Variants in NAV3 observed in about 807,000 individuals in gnomAD.
The protein encoded by NAV3 is neuron navigator 3.
In NAV3, 87 loss-of-function variants were observed where a neutral mutation model predicts 244.7. The ratio of observed to expected loss-of-function variants is 0.36; its 90% confidence interval spans 0.30 to 0.42. The LOEUF (loss-of-function observed/expected upper bound fraction) is 0.42. Ranked by LOEUF, NAV3 falls within the 20% of genes least tolerant of loss-of-function variation. NAV3 has a pLI of 1.00. For synonymous variants in NAV3, 1,126 were observed against 1,042.2 expected (o/e 1.08, Z -1.55); for missense variants, 2,663 against 2,893.3 (o/e 0.92, Z 1.83).
chr12:78,155,776 T>G (rs936963834), intron 22 of NAV3, among the ~76,000 whole-genome samples: 9 of 152,156 alleles, frequency 5.9e-5, no homozygotes, highest in African/African-American at 2.2e-4. Flanking sequence ...GTTGGCTGCA[T>G]GACTGTCTTC....
At chr12:78,175,006 G>A (rs1277153130) in intron 24 of NAV3, among the ~76,000 whole-genome samples, 1 of 151,864 alleles carries the variant, frequency 6.6e-6, no homozygotes, top group Non-Finnish European at 1.5e-5. Flanking sequence ...CTTGATCCAG[G>A]TATTCAGTAG....
At chr12:77,747,425 A>G (rs995993759) in intron 2 of NAV3, among the ~76,000 whole-genome samples, 3 of 152,162 alleles carry the variant, frequency 2.0e-5, no homozygotes, top group African/African-American at 7.2e-5. Context: ...ACACTTTTAC[A>G]CTGTTGGTGG....
chr12:78,143,494 A>G (rs1324844334), intron 20 of NAV3: 1 of 342,938 alleles, frequency 2.9e-6, no homozygotes, highest in Non-Finnish European at 5.7e-6. Context: ...AGCCCGGTGT[A>G]GTGGCATACG....
chr12:77,939,125 T>C (rs1889619543), intron 1 of NAV3, among the ~76,000 whole-genome samples: 1 of 152,192 alleles, frequency 6.6e-6, no homozygotes, highest in Non-Finnish European at 1.5e-5. Flanking sequence ...GTGAATTTGC[T>C]TTGTTAGAAA....
intron 2 of NAV3, among the ~76,000 whole-genome samples, chr12:77,787,837 A>G (rs1870978258): frequency 6.6e-6 from 1 of 152,248 alleles, no homozygotes; most frequent in African/African-American, 2.4e-5. Context: ...AAGTCTGATA[A>G]ATCTGTAAAT....
chr12:77,876,163 C>T (rs998633917), intron 1 of NAV3, among the ~76,000 whole-genome samples: 2 of 151,910 alleles, frequency 1.3e-5, no homozygotes, highest in Non-Finnish European at 2.9e-5. Flanking sequence ...TATAGTCGAT[C>T]GTTTTGGATA....
At chr12:77,820,566 G>A (rs976738788) in intron 2 of NAV3, among the ~76,000 whole-genome samples, 4 of 152,186 alleles carry the variant, frequency 2.6e-5, no homozygotes, top group Admixed American at 6.5e-5. Context: ...AAATTTGAAG[G>A]TGACAAAAAC....
Position 78,083,746 on chromosome 12 carries a change from G to T in NAV3, c.2636+24631G>T, listed in dbSNP as rs549315589. 1.1e-4 allele frequency among the ~76,000 whole-genome samples: 17 copies of T among 152,092 alleles called. No individual in the cohort carries two copies. In the East Asian group the frequency reaches 1.9e-3, roughly 17 times the overall value. ...ACAACTACCCCTATTTTTCCAGTTC[G>T]CTTCCTTTCTTATTCTGGCTCCAAG... On this transcript the variant is annotated intron_variant, in intron 12 of 39. Coordinates refer to ENST00000397909, the MANE Select transcript of NAV3 (RefSeq NM_001024383.2).
chr12:78,141,700 G>C (rs1226259823), intron 20 of NAV3, among the ~76,000 whole-genome samples: 2 of 152,064 alleles, frequency 1.3e-5, no homozygotes, highest in Admixed American at 6.6e-5. Flanking sequence ...AAGAAATCAC[G>C]ATTAGTTTTT....
Position 78,188,114 on chromosome 12 carries a change from T to TTACTA in NAV3, c.5791-131_5791-127dup, listed in dbSNP as rs766888617. On this transcript the variant is annotated intron_variant, in intron 31 of 39. Coordinates refer to ENST00000397909, the MANE Select transcript of NAV3 (RefSeq NM_001024383.2). ...TTATATAATCCACCATGTGTGTCTG[T>TTACTA]TACTATAGAAGCCACAGGTTTAACA... 82 of 643,652 alleles carry TTACTA rather than the reference T, an allele frequency of 1.3e-4. 1 individual carries two copies. In the East Asian group the frequency reaches 1.3e-3, roughly 10 times the overall value. 39.9% of individuals were successfully genotyped at this position (643,652 alleles called of 1,614,324 possible). A position where few individuals can be genotyped will look rare whatever the true frequency, so the allele number is the denominator to read the frequency against.
intron 8 of NAV3, among the ~76,000 whole-genome samples, chr12:78,013,214 G>C (rs1003604419): frequency 2.0e-5 from 3 of 152,028 alleles, no homozygotes; most frequent in African/African-American, 7.2e-5. Flanking sequence ...ATCAAGAATT[G>C]AGTGAAAAAA....
intron 34 of NAV3, among the ~76,000 whole-genome samples, chr12:78,193,009 T>A (rs1959050800): frequency 6.6e-6 from 1 of 151,896 alleles, no homozygotes; most frequent in South Asian, 2.1e-4. Context: ...TTTACTGAAG[T>A]AACATGATAA....
chr12:77,992,548 T>C (rs1871630263), intron 5 of NAV3, among the ~76,000 whole-genome samples: 1 of 152,172 alleles, frequency 6.6e-6, no homozygotes, highest in South Asian at 2.1e-4. Flanking sequence ...GAGAGTTTGA[T>C]GTGGTGAGTT....
rs201880377 is a variant in NAV3 at position 77,690,515 on chromosome 12, ACTT to A, written c.72+118256_72+118258del. 9.7e-4 allele frequency among the ~76,000 whole-genome samples: 147 copies of A among 151,644 alleles called. 4 individuals carry two copies. The East Asian group carries it at 0.027, about 28-fold the overall frequency. On this transcript the variant is annotated intron_variant, in intron 2 of 8. Transcript: ENST00000550042. ...TAAATTTCTAACACTTAATATTTTT[ACTT>A]CTTCTTACTGTCAAAGGCATATTTA...
At chr12:77,837,083 A>T (rs537698056) in intron 1 of NAV3, among the ~76,000 whole-genome samples, 4 of 152,254 alleles carry the variant, frequency 2.6e-5, no homozygotes, top group African/African-American at 9.6e-5. Flanking sequence ...AATGTGGACA[A>T]TTCTTTTGCA....
At chr12:77,858,215 T>C (rs1878690832) in intron 1 of NAV3, among the ~76,000 whole-genome samples, 1 of 151,994 alleles carries the variant, frequency 6.6e-6, no homozygotes, top group African/African-American at 2.4e-5. Context: ...TAAAGTACAA[T>C]ATTTAAAACT....
intron 7 of NAV3, among the ~76,000 whole-genome samples, chr12:77,999,779 A>G (rs1201870306): frequency 1.3e-5 from 2 of 152,058 alleles, no homozygotes; most frequent in Non-Finnish European, 2.9e-5. Flanking sequence ...AAGGGAGGTG[A>G]CAGTCGCTCA....
intron 1 of NAV3, among the ~76,000 whole-genome samples, chr12:77,883,311 G>A (rs965851881): frequency 6.6e-6 from 1 of 152,056 alleles, no homozygotes; most frequent in Admixed American, 6.6e-5. Flanking sequence ...TGCAACTGAA[G>A]GCCATTATCC....
exon 2 of NAV3, chr12:77,572,049 T>C (rs1868850523): frequency 6.5e-6 from 1 of 154,382 alleles, no homozygotes; most frequent in Non-Finnish European, 1.5e-5. Context: ...CAATGGATTT[T>C]TTAATCATTC....
Sources: allele counts gnomAD v4.1 joint callset (sites outside exome capture counted in the v4.1 genomes callset), GRCh38; gene constraint gnomAD v4.1.1; transcripts MANE v1.5; gene names NCBI Gene and HGNC (gene_info 2026-07-23, HGNC 2026-07-21).